The following VPS13D variants were observed in gnomAD, a reference collection of about 807,000 sequenced individuals.
VPS13D encodes vacuolar protein sorting 13 homolog D.
A neutral mutation model predicts 461.9 loss-of-function variants in VPS13D; 187 were observed. The observed-to-expected ratio is 0.40, with a 90% confidence interval of 0.36 to 0.46. The LOEUF is 0.46. VPS13D is among the 20% of genes least tolerant of loss of function. The probability of loss-of-function intolerance (pLI) is 0.60; values close to 1 mark genes in which losing one functional copy is unlikely to be tolerated. For synonymous variants in VPS13D, 1,951 were observed against 1,986.3 expected (o/e 0.98, Z 0.47); for missense variants, 4,711 against 5,364.9 (o/e 0.88, Z 3.81).
At chr1:12,344,889 G>T (rs889828800) in intron 42 of VPS13D, 2 of 153,122 alleles carry the variant, frequency 1.3e-5, no homozygotes, top group Non-Finnish European at 2.9e-5. Context: ...TGAAATGAGC[G>T]CTGTGCCTCT....
intron 61 of VPS13D, 112 bp from the exon 62 acceptor site, chr1:12,401,496 A>G: frequency 1.4e-6 from 1 of 700,486 alleles, no homozygotes; most frequent in Admixed American, 2.8e-5. Context: ...CATTATAGTT[A>G]TAAAGCCACA....
chr1:12,368,741 A>C, intron 53 of VPS13D, 150 bp downstream of exon 53: 1 of 1,004,296 alleles, frequency 1.0e-6, no homozygotes, highest in South Asian at 2.7e-5. Context: ...CAAGCCTAGA[A>C]ATCCTTACCA....
In VPS13D at chr1:12,331,533, C is replaced by T. The variant is rs1643331531; in HGVS notation, c.8287+1615C>T. 2.0e-5 allele frequency among the ~76,000 whole-genome samples: 3 copies of T among 151,264 alleles called. 1 individual carries two copies. In the South Asian group the frequency reaches 6.3e-4, roughly 32 times the overall value. On this transcript the variant is annotated intron_variant, in intron 37 of 69. Coordinates refer to ENST00000620676, the MANE Select transcript of VPS13D (RefSeq NM_015378.4). ...TCATGCTGGCTAACATGATGAAACC[C>T]CATCTCTACTAAAAAAAAAATACAA...
chr1:12,509,006 GCTGGAGCTGGACTC>G lies in VPS13D; in HGVS notation c.13153_13166del (p.Glu4385LysfsTer5). On this transcript the variant is annotated frameshift_variant, in exon 70 of 70. Transcript: ENST00000620676. LOFTEE classifies it high-confidence loss of function. ...TAAGACTCAGCGAAAACCGAGAGCA[GCTGGAGCTGGACTC>G]CTGAAGCCCCGCTGCTGAGATGGGC... 1 of 1,614,166 alleles carries G rather than the reference GCTGGAGCTGGACTC, an allele frequency of 6.2e-7. No individual in the cohort carries two copies. The highest frequency in any genetic ancestry group is 8.5e-7 in the Non-Finnish European group (1 of 1,180,018).
intron 68 of VPS13D, among the ~76,000 whole-genome samples, chr1:12,500,964 G>A (rs192296748): frequency 3.9e-5 from 6 of 152,034 alleles, no homozygotes; most frequent in Admixed American, 3.9e-4. Context: ...TGAGGTGGGA[G>A]GATGGTTTGA....
chr1:12,490,683 A>C (rs1009689295), intron 67 of VPS13D, among the ~76,000 whole-genome samples: 2 of 151,650 alleles, frequency 1.3e-5, no homozygotes, highest in Non-Finnish European at 2.9e-5. Context: ...GGTGGGAGCT[A>C]CAGGTCTGAG....
At chr1:12,378,782 AC>A (rs1644235719) in intron 56 of VPS13D, among the ~76,000 whole-genome samples, 191 bp downstream of exon 56, 2 of 152,242 alleles carry the variant, frequency 1.3e-5, no homozygotes, top group African/African-American at 4.8e-5. Context: ...TTGATGAAAT[AC>A]CCATGCAGAT....
At chr1:12,497,465 T>TA in intron 67 of VPS13D, 35 bp from the exon 68 acceptor site, 6 of 1,594,936 alleles carry the variant, frequency 3.8e-6, no homozygotes, top group Non-Finnish European at 5.1e-6. Flanking sequence ...CCTGCACACT[T>TA]AACCTCTTGG....
chr1:12,404,070 C>CTT (rs575397720), intron 63 of VPS13D, 97 bp downstream of exon 63: 32 of 877,154 alleles, frequency 3.6e-5, no homozygotes, highest in African/African-American at 8.0e-5. Flanking sequence ...TGTGTGTGTG[C>CTT]TTTTTTTTTT....
At chr1:12,404,330 G>A (rs1273102374) in intron 63 of VPS13D, among the ~76,000 whole-genome samples, 2 of 152,278 alleles carry the variant, frequency 1.3e-5, no homozygotes, top group East Asian at 3.9e-4. Context: ...CCAGGATCAA[G>A]AGAAAAAGCA....
intron 68 of VPS13D, among the ~76,000 whole-genome samples, 174 bp downstream of exon 68, chr1:12,497,805 A>G (rs916892485): frequency 1.3e-5 from 2 of 152,256 alleles, no homozygotes; most frequent in Non-Finnish European, 2.9e-5. Context: ...GATGCTAAAC[A>G]GCCTTTTACT....
At chr1:12,359,288 G>A (rs1378287432) in intron 50 of VPS13D, among the ~76,000 whole-genome samples, 1 of 152,192 alleles carries the variant, frequency 6.6e-6, no homozygotes, top group Admixed American at 6.5e-5. Context: ...CATCCTTTCA[G>A]TATATAATTT....
At chr1:12,488,956 T>A (rs1645840608) in intron 67 of VPS13D, among the ~76,000 whole-genome samples, 1 of 152,234 alleles carries the variant, frequency 6.6e-6, no homozygotes, top group Non-Finnish European at 1.5e-5. Flanking sequence ...TCTTCCATGA[T>A]GTTGAAAGTT....
At chr1:12,295,689 A>G (rs1642257198) in intron 24 of VPS13D, among the ~76,000 whole-genome samples, 1 of 152,220 alleles carries the variant, frequency 6.6e-6, no homozygotes, top group South Asian at 2.1e-4. Context: ...ACACCTATAA[A>G]AGATTATCTG....
chr1:12,376,782 G>C (rs1299525835), intron 55 of VPS13D, among the ~76,000 whole-genome samples: 3 of 152,204 alleles, frequency 2.0e-5, no homozygotes, highest in Non-Finnish European at 1.5e-5. Context: ...TTCCTGCCTA[G>C]TGGGAGTGTA....
intron 46 of VPS13D, among the ~76,000 whole-genome samples, chr1:12,352,171 A>G (rs188775601): frequency 6.7e-4 from 102 of 152,018 alleles, no homozygotes; most frequent in Admixed American, 2.8e-3. Flanking sequence ...CACGCCTGTA[A>G]TCCCAGCTAC....
At chr1:12,481,315 C>G (rs1047155896) in intron 67 of VPS13D, among the ~76,000 whole-genome samples, 1 of 152,230 alleles carries the variant, frequency 6.6e-6, no homozygotes, top group Non-Finnish European at 1.5e-5. Flanking sequence ...TGAGCCGTAG[C>G]TGTCACCAGA....
Position 12,311,900 on chromosome 1 carries a change from A to G in VPS13D, c.6910A>G (p.Lys2304Glu). The change falls in exon 29 of 70, where the codon AAA (lysine) becomes GAA (glutamate). Residue 2304 changes from lysine (K) to glutamate (E), a missense_variant. Coordinates refer to ENST00000620676, the MANE Select transcript of VPS13D (RefSeq NM_015378.4). ...VSLELKDPKR[K>E]EGAGSLARFD... is the part of the protein sequence containing the mutation. ...TCTGGAGCTTAAAGATCCAAAAAGA[A>G]AAGAAGGTGCTGGGTCCCTAGCCAG... The G allele has an allele frequency of 6.2e-7, 1 of 1,614,166 alleles. No individual in the cohort carries two copies. The highest frequency in any genetic ancestry group is 8.5e-7 in the Non-Finnish European group (1 of 1,180,000).
chr1:12,357,847 T>C (rs1289172123), intron 49 of VPS13D, among the ~76,000 whole-genome samples: 1 of 152,040 alleles, frequency 6.6e-6, no homozygotes, highest in African/African-American at 2.4e-5. Context: ...CTACTAAAAA[T>C]GCAAAAATTA....
Sources: gnomAD v4.1 joint callset for allele counts (sites outside exome capture counted in the v4.1 genomes callset) on GRCh38, gnomAD v4.1.1 for gene constraint, MANE v1.5 for transcripts, NCBI Gene and HGNC (gene_info 2026-07-23, HGNC 2026-07-21) for gene names.